The following SHB variants were observed in gnomAD, a reference collection of about 807,000 sequenced individuals.
SHB encodes SH2 domain-containing adapter protein B.
SHB carries 20 observed loss-of-function variants against 52.3 expected under a neutral mutation model. That is an observed-to-expected ratio of 0.38 (90% confidence interval 0.27 to 0.56). SHB has a LOEUF of 0.56. Among genes scored for constraint, SHB ranks in the 20% least tolerant of loss-of-function variants. The probability of loss-of-function intolerance (pLI) is 0.71; values close to 1 mark genes in which losing one functional copy is unlikely to be tolerated. For missense variants in SHB, 825 were observed against 723.3 expected (o/e 1.14, Z -1.61); for synonymous variants, 397 against 316.5 (o/e 1.25, Z -2.70).
rs190691290 is a variant in SHB, at chr9:37,949,765, C to T, written c.1227-1011G>A. Among the ~76,000 whole-genome samples, 194 of 152,328 alleles carry T rather than the reference C, an allele frequency of 1.3e-3. 1 individual carries two copies. The highest frequency in any genetic ancestry group is 4.3e-3 in the African/African-American group (178 of 41,582). On this transcript the variant is annotated intron_variant, in intron 4 of 5. Transcript: ENST00000377707. ...GTGGGCAGGGAGGTAGCTGTCCATG[C>T]TCCTGCCAGACGGCTCTAGCACCAC...
intron 3 of SHB, among the ~76,000 whole-genome samples, chr9:37,973,611 G>C (rs530867808): frequency 5.7e-4 from 87 of 152,334 alleles, no homozygotes; most frequent in African/African-American, 2.0e-3. Flanking sequence ...GACTTATGAT[G>C]CACATGCCCA....
chr9:37,974,681 G>A lies in SHB; in HGVS notation c.995C>T (p.Pro332Leu). The A allele has an allele frequency of 6.2e-7, 1 of 1,613,976 alleles. No individual in the cohort carries two copies. The highest frequency in any genetic ancestry group is 1.1e-5 in the South Asian group (1 of 91,064). The change falls in exon 3 of 6, where the codon CCC becomes CTC. Residue 332 changes from proline (P) to leucine (L), a missense_variant. Coordinates refer to ENST00000377707, the MANE Select transcript of SHB (RefSeq NM_003028.3). ...ESKLPQDDDR[P>L]ADEYDQPWEW... ...CCAAGGCTGGTCGTACTCATCGGCG[G>A]GCCTGTCGTCATCCTGGGGCAGCTT...
At chr9:37,986,516 C>T (rs1820808680) in intron 2 of SHB, among the ~76,000 whole-genome samples, 1 of 152,168 alleles carries the variant, frequency 6.6e-6, no homozygotes, top group Non-Finnish European at 1.5e-5. Flanking sequence ...GCTTCACATA[C>T]ACAAAATCCT....
chr9:38,034,536 T>C (rs763234087), intron 1 of SHB, among the ~76,000 whole-genome samples: 1 of 152,246 alleles, frequency 6.6e-6, no homozygotes, highest in Non-Finnish European at 1.5e-5. Flanking sequence ...CTTCCTGAAA[T>C]TGAGTTGAAA....
chr9:38,002,112 T>G (rs1268174683), intron 2 of SHB, among the ~76,000 whole-genome samples: 1 of 152,146 alleles, frequency 6.6e-6, no homozygotes, highest in South Asian at 2.1e-4. Context: ...ATTCTCTGGT[T>G]TTCCAGTTTG....
intron 1 of SHB, among the ~76,000 whole-genome samples, chr9:38,018,164 G>A (rs1821239541): frequency 6.6e-6 from 1 of 152,178 alleles, no homozygotes; most frequent in Non-Finnish European, 1.5e-5. Flanking sequence ...CTGGCGGGGT[G>A]GGAGAGGCAG....
intron 3 of SHB, among the ~76,000 whole-genome samples, chr9:37,971,068 C>CAG (rs1226160818): frequency 2.0e-5 from 3 of 152,182 alleles, no homozygotes; most frequent in Non-Finnish European, 4.4e-5. Context: ...AGACTCAGTG[C>CAG]AGAGAGCTCC....
At chr9:38,046,779 T>A (rs925266368) in intron 1 of SHB, among the ~76,000 whole-genome samples, 2 of 152,254 alleles carry the variant, frequency 1.3e-5, no homozygotes, top group Admixed American at 6.5e-5. Flanking sequence ...AGTCATATAA[T>A]GTTTGGGCCT....
intron 5 of SHB, among the ~76,000 whole-genome samples, chr9:37,920,273 AG>A (rs1832161931): frequency 6.9e-6 from 1 of 145,080 alleles, no homozygotes; most frequent in Non-Finnish European, 1.5e-5. Context: ...GGACTTCTTC[AG>A]AAAAACAAAA....
chr9:37,940,577 GAC>G (rs1832423954), intron 5 of SHB, among the ~76,000 whole-genome samples: 2 of 152,204 alleles, frequency 1.3e-5, no homozygotes. Flanking sequence ...AGAGCAAAGA[GAC>G]AGACCCCCTC....
intron 2 of SHB, among the ~76,000 whole-genome samples, chr9:37,989,157 C>T (rs1484272483): frequency 6.6e-6 from 1 of 152,072 alleles, no homozygotes; most frequent in Non-Finnish European, 1.5e-5. Context: ...CCTCTATGGA[C>T]AGCCCTTTCC....
At chr9:37,982,589 GA>G (rs1228109964) in intron 2 of SHB, among the ~76,000 whole-genome samples, 1 of 151,076 alleles carries the variant, frequency 6.6e-6, no homozygotes, top group Non-Finnish European at 1.5e-5. Flanking sequence ...TCAGGAGATT[GA>G]AACTATCCTG....
chr9:37,954,544 C>T (rs1832606453), intron 4 of SHB, among the ~76,000 whole-genome samples: 2 of 152,094 alleles, frequency 1.3e-5, no homozygotes, highest in Admixed American at 1.3e-4. Flanking sequence ...AGCCGTGAGT[C>T]CTTGCCAAGG....
intron 1 of SHB, among the ~76,000 whole-genome samples, chr9:38,039,492 T>C: frequency 6.6e-6 from 1 of 152,238 alleles, no homozygotes; most frequent in East Asian, 1.9e-4. Context: ...TCCCACTTTG[T>C]GGCAAAGGAG....
intron 1 of SHB, among the ~76,000 whole-genome samples, chr9:38,045,819 G>A (rs992696493): frequency 6.6e-6 from 1 of 152,326 alleles, no homozygotes; most frequent in African/African-American, 2.4e-5. Flanking sequence ...ATCTTCTAGC[G>A]TGTCTAGGCC....
chr9:37,919,529 G>T lies in SHB; in HGVS notation c.*292C>A. The T allele has an allele frequency of 1.2e-5, 2 of 171,148 alleles. No homozygotes were observed. The highest frequency in any genetic ancestry group is 2.0e-4 in the South Asian group (2 of 9,880). 10.6% of individuals were successfully genotyped at this position (171,148 alleles called of 1,614,324 possible). On this transcript the variant is annotated 3_prime_UTR_variant, in exon 6 of 6. Transcript: ENST00000377707. ...CGCCCCTCGGAGCTGGTCTGCCTTTGTTCATCCTGGAAGGCATCTCTTTGG... is the reference window on the plus strand; with the variant it reads ...CGCCCCTCGGAGCTGGTCTGCCTTTTTTCATCCTGGAAGGCATCTCTTTGG...
At chr9:38,045,559 C>T (rs539405249) in intron 1 of SHB, among the ~76,000 whole-genome samples, 3 of 152,100 alleles carry the variant, frequency 2.0e-5, no homozygotes, top group South Asian at 2.1e-4. Context: ...CGCAGTGAGC[C>T]GGGATTGTGC....
intron 1 of SHB, among the ~76,000 whole-genome samples, chr9:38,032,116 A>G (rs564892113): frequency 6.6e-6 from 1 of 152,290 alleles, no homozygotes; most frequent in East Asian, 1.9e-4. Context: ...AGTGTTCTAG[A>G]GGACTAGAAC....
At chr9:37,973,273 G>A (rs764396139) in intron 3 of SHB, among the ~76,000 whole-genome samples, 45 of 152,162 alleles carry the variant, frequency 3.0e-4, no homozygotes, top group Non-Finnish European at 5.7e-4. Flanking sequence ...GCCCAGGCTG[G>A]AGTGCAATGG....
Sources: gnomAD v4.1 joint callset for allele counts (sites outside exome capture counted in the v4.1 genomes callset) on GRCh38, gnomAD v4.1.1 for gene constraint, MANE v1.5 for transcripts, NCBI Gene and HGNC (gene_info 2026-07-23, HGNC 2026-07-21) for gene names.